CDC42BPG: variants seen among roughly 807,000 people sequenced by gnomAD.
The protein encoded by CDC42BPG is CDC42 binding protein kinase gamma, also known as serine/threonine-protein kinase MRCK gamma.
Under a neutral mutation model 192.2 loss-of-function variants are expected in CDC42BPG, and 157 were observed. That is an observed-to-expected ratio of 0.82 (90% CI 0.72 to 0.93). The LOEUF (loss-of-function observed/expected upper bound fraction) is 0.93. CDC42BPG is among the 40% of genes least tolerant of loss of function. The pLI is 0.00. For synonymous variants in CDC42BPG, 981 were observed against 918.5 expected (o/e 1.07, Z -1.23); for missense variants, 1,992 against 2,122.1 (o/e 0.94, Z 1.20).
At chr11:64,831,302 C>T (rs921579438) in intron 28 of CDC42BPG, among the ~76,000 whole-genome samples, 2 of 152,102 alleles carry the variant, frequency 1.3e-5, no homozygotes, top group African/African-American at 2.4e-5. Flanking sequence ...TGAGGCACAG[C>T]GAAATGGAGT....
At position 64,840,193 on chromosome 11, in the gene CDC42BPG, C is replaced by G. The variant is rs139424948; in HGVS notation, c.508G>C (p.Glu170Gln). ...TCAGCCAGGTAGAACTGGGCCAGCT[C>G]GGGCGGGAGACGGTCCTCGAAGCGG... ...LSRFEDRLPP[E>Q]LAQFYLAEMV... Residue 170 changes from glutamate (E) to glutamine (Q), a missense_variant, in exon 5 of 37, where the codon GAG becomes CAG. Around this residue, in one of 2 missense-constraint regions of CDC42BPG, gnomAD observed 1,656 missense variants for 1,844.3 expected, o/e 0.90. Coordinates refer to ENST00000342711, the MANE Select transcript of CDC42BPG (RefSeq NM_017525.3). 1.0e-4 allele frequency: 165 copies of G among 1,613,092 alleles called. No individual in the cohort carries two copies. Among genetic ancestry groups the G allele is most frequent in the Admixed American group, 1.2e-4 (7 of 60,002 alleles).
chr11:64,836,619 C>A, intron 11 of CDC42BPG, 89 bp from the exon 12 acceptor site: 1 of 1,328,842 alleles, frequency 7.5e-7, no homozygotes, highest in South Asian at 1.2e-5. Context: ...TTCCCACACG[C>A]GGGCTCAGAG....
At chr11:64,826,840 AG>A in intron 34 of CDC42BPG, 46 bp from the exon 35 acceptor site, 1 of 1,466,442 alleles carries the variant, frequency 6.8e-7, no homozygotes, top group Non-Finnish European at 9.0e-7. Context: ...AGGCACAAGG[AG>A]GACAAGAGGC....
chr11:64,840,207 T>C lies in CDC42BPG; in HGVS notation c.494A>G (p.Asp165Gly). ...CTGGGCCAGCTCGGGCGGGAGACGG[T>C]CCTCGAAGCGGCTCAGCAGCGTCAG... ...DLLTLLSRFEDRLPPELAQFY... is the reference protein window; with the variant it reads ...DLLTLLSRFEGRLPPELAQFY... The change falls in exon 5 of 37, where the codon GAC (aspartate) becomes GGC (glycine). Residue 165 changes from aspartate to glycine, a missense_variant. Around this residue, in one of 2 missense-constraint regions of CDC42BPG, gnomAD observed 1,656 missense variants for 1,844.3 expected, o/e 0.90. Transcript: ENST00000342711. The C allele has an allele frequency of 6.2e-7, 1 of 1,613,164 alleles. No individual in the cohort carries two copies. The highest frequency in any genetic ancestry group is 8.5e-7 in the Non-Finnish European group (1 of 1,179,984).
intron 8 of CDC42BPG, 102 bp from the exon 9 acceptor site, chr11:64,838,264 G>A: frequency 1.2e-6 from 1 of 854,728 alleles, no homozygotes; most frequent in Non-Finnish European, 1.8e-6. Flanking sequence ...TCCTGCACAG[G>A]TGGGAACTCA....
At position 64,832,675 on chromosome 11, in the gene CDC42BPG, C is replaced by T. The variant is rs765330417; in HGVS notation, c.2934G>A (p.Leu978=). The T allele has an allele frequency of 3.1e-6, 5 of 1,613,588 alleles. No homozygotes were observed. The highest frequency in any genetic ancestry group is 4.2e-6 in the Non-Finnish European group (5 of 1,179,964). Residue 978 remains leucine (L), a synonymous_variant, in exon 26 of 37, where the codon CTG becomes CTA. Coordinates refer to ENST00000342711, the MANE Select transcript of CDC42BPG (RefSeq NM_017525.3). ...TCAGGTCAGGGGCGTCAAACAGCAG[C>T]AGGCGTGAGTCACTCAGGGCAGCAA... ...RVFAALSDSR[L]LLFDAPDLRL...
chr11:64,844,282 G>A, intron 1 of CDC42BPG, 128 bp downstream of exon 1: 1 of 907,898 alleles, frequency 1.1e-6, no homozygotes, highest in Non-Finnish European at 1.5e-6. Context: ...TACGCGTCAG[G>A]GCCACTGCAG....
At chr11:64,843,867 G>A (rs1389572489) in intron 1 of CDC42BPG, among the ~76,000 whole-genome samples, 1 of 152,226 alleles carries the variant, frequency 6.6e-6, no homozygotes, top group Non-Finnish European at 1.5e-5. Context: ...CAGGGAGCTG[G>A]GGGTGTGTGT....
At position 64,832,511 on chromosome 11, in the gene CDC42BPG, T is replaced by C. The variant is rs1009051794; in HGVS notation, c.3006-2A>G. The C allele has an allele frequency of 1.2e-6, 2 of 1,614,056 alleles. No individual in the cohort carries two copies. The highest frequency in any genetic ancestry group is 2.2e-5 in the South Asian group (2 of 91,090). On this transcript the variant is annotated splice_acceptor_variant, in intron 26 of 36. Transcript: ENST00000342711. LOFTEE classifies it high-confidence loss of function. ...GGGGTAGCCGAGAACTGGGGGTCCC[T>C]GGGAGGTTCACAGAACAGGTCAGAA...
At position 64,836,727 on chromosome 11, in the gene CDC42BPG, C is replaced by CGG; in HGVS notation, c.1384+10_1384+11dup. ...GCCCTGGGGGGGGGGGGGGGGTGGG[C>CGG]GGAAGGGATACCTGGCAGCCTGTCC... On this transcript the variant is annotated intron_variant, in intron 11 of 36. Coordinates refer to ENST00000342711, the MANE Select transcript of CDC42BPG (RefSeq NM_017525.3). The CGG allele has an allele frequency of 1.9e-6, 1 of 527,684 alleles. No homozygotes were observed. Among genetic ancestry groups the CGG allele is most frequent in the Non-Finnish European group, 2.8e-6 (1 of 363,584 alleles). 32.7% of individuals were successfully genotyped at this position (527,684 alleles called of 1,614,324 possible).
chr11:64,833,308 C>A lies in CDC42BPG; in HGVS notation c.2654G>T (p.Ser885Ile). The change falls in exon 24 of 37, where the codon AGC (serine) becomes ATC (isoleucine). Residue 885 changes from serine to isoleucine, a missense_variant. Transcript: ENST00000342711. Reference protein sequence around the residue: ...KPGSHTLRPRSFPSPTKCLRC... With the variant: ...KPGSHTLRPRIFPSPTKCLRC... Reference sequence around the variant, plus strand: ...GAGACACTTGGTCGGGGATGGGAAGCTCCGGGGGCGCAGCGTGTGTGAGCC... The same window carrying A: ...GAGACACTTGGTCGGGGATGGGAAGATCCGGGGGCGCAGCGTGTGTGAGCC... 2 of 1,539,740 alleles carry A rather than the reference C, an allele frequency of 1.3e-6. No homozygotes were observed. Among genetic ancestry groups the A allele is most frequent in the South Asian group, 1.2e-5 (1 of 83,180 alleles).
At chr11:64,830,957 C>A (rs2136275662) in intron 28 of CDC42BPG, among the ~76,000 whole-genome samples, 1 of 152,336 alleles carries the variant, frequency 6.6e-6, no homozygotes, top group East Asian at 1.9e-4. Context: ...GTGGCCCATG[C>A]CTATAATTCC....
rs1293243351 is a variant in CDC42BPG at position 64,827,593 on chromosome 11, C to G, written c.4084G>C (p.Glu1362Gln). The change falls in exon 32 of 37, where the codon GAG becomes CAG. Residue 1362 changes from glutamate to glutamine, a missense_variant. Physicochemically the swap from Glu to Gln is conservative, Grantham distance 29. Coordinates refer to ENST00000342711, the MANE Select transcript of CDC42BPG (RefSeq NM_017525.3). ...PLKKVRPLNP[E>Q]GSLFLYGTEK... ...GTGCCGTAGAGGAACAGGGAGCCCT[C>G]TGGATTGAGGGGCCGCACCTGAGGC... 1.2e-6 allele frequency: 2 copies of G among 1,611,442 alleles called. No homozygotes were observed. The highest frequency in any genetic ancestry group is 2.7e-5 in the African/African-American group (2 of 74,986).
rs766753066 is a variant in CDC42BPG at position 64,830,156 on chromosome 11, C to T, written c.3367+38G>A. 2.5e-6 allele frequency: 4 copies of T among 1,612,952 alleles called. No homozygotes were observed. In the African/African-American group the frequency reaches 5.3e-5, roughly 22 times the overall value. On this transcript the variant is annotated intron_variant, in intron 29 of 36. Coordinates refer to ENST00000342711, the MANE Select transcript of CDC42BPG (RefSeq NM_017525.3). ...TCCTCCTCTGCCCGCTGGGGCTGCCCCTGCCCACGCCCACCCTAGCCCAGC... is the reference window on the plus strand; with the variant it reads ...TCCTCCTCTGCCCGCTGGGGCTGCCTCTGCCCACGCCCACCCTAGCCCAGC...
chr11:64,838,678 C>T lies in CDC42BPG; in HGVS notation c.1101G>A (p.Val367=), dbSNP rs1943134460. The change falls in exon 8 of 37, where the codon GTG becomes GTA. Residue 367 remains valine, a synonymous_variant. Transcript: ENST00000342711. ...CTGGATGGTTGAGGGTGTCGTCATC[C>T]ACATCAAAGTTGGAGGTGTCCATGG... ...RGPMDTSNFD[V]DDDTLNHPGT... 1.9e-6 allele frequency: 3 copies of T among 1,612,892 alleles called. No individual in the cohort carries two copies. Among genetic ancestry groups the T allele is most frequent in the South Asian group, 1.1e-5 (1 of 91,080 alleles).
chr11:64,833,753 G>T lies in CDC42BPG; in HGVS notation c.2550C>A (p.Arg850=), dbSNP rs1330825749. ...GEPDLRPEGR[R]SLRMGAVFPR... ...CTGTCCTCACCCCCATGCGCAGGCT[G>T]CGTCGGCCCTCCGGCCTCAGATCTG... is the stretch of plus-strand genomic sequence containing the variant. Residue 850 remains arginine (R), a synonymous_variant, in exon 22 of 37, where the codon CGC becomes CGA. Transcript: ENST00000342711. The T allele has an allele frequency of 6.2e-7, 1 of 1,614,008 alleles. No individual in the cohort carries two copies. The highest frequency in any genetic ancestry group is 1.3e-5 in the African/African-American group (1 of 74,954).
intron 33 of CDC42BPG, 54 bp from the exon 34 acceptor site, chr11:64,827,221 C>G (rs373974106): frequency 2.1e-5 from 34 of 1,613,256 alleles, no homozygotes; most frequent in Non-Finnish European, 2.6e-5. Flanking sequence ...CCCTTCGACC[C>G]GTCCACAAGC....
At chr11:64,839,453 T>C in intron 6 of CDC42BPG, 25 bp downstream of exon 6, 1 of 1,395,596 alleles carries the variant, frequency 7.2e-7, no homozygotes, top group East Asian at 2.2e-5. Flanking sequence ...TATCCCCTGC[T>C]CCCACTCTGG....
At chr11:64,831,970 A>AC (rs1175907196) in intron 27 of CDC42BPG, among the ~76,000 whole-genome samples, 1 of 152,226 alleles carries the variant, frequency 6.6e-6, no homozygotes, top group Non-Finnish European at 1.5e-5. Flanking sequence ...TTCCCAGGAG[A>AC]CCAGACATTT....
Sources: allele counts gnomAD v4.1 joint callset (sites outside exome capture counted in the v4.1 genomes callset), GRCh38; gene constraint gnomAD v4.1.1; regional missense constraint gnomAD v4.1.1; transcripts MANE v1.5; gene names NCBI Gene and HGNC (gene_info 2026-07-23, HGNC 2026-07-21).